The following BTAF1 variants were observed in gnomAD, a reference collection of about 807,000 sequenced individuals.
BTAF1 encodes B-TFIID TATA-box binding protein associated factor 1.
BTAF1 carries 38 observed loss-of-function variants against 227.1 expected under a neutral mutation model. The ratio of observed to expected loss-of-function variants is 0.17; its 90% CI spans 0.13 to 0.22. The LOEUF is 0.22. Among genes scored for constraint, BTAF1 ranks in the 10% least tolerant of loss-of-function variants. The pLI is 1.00. For synonymous variants in BTAF1, 742 were observed against 751.9 expected (o/e 0.99, Z 0.21); for missense variants, 1,598 against 2,204.0 (o/e 0.73, Z 5.51).
At chr10:91,949,076 C>T (rs529342163) in intron 4 of BTAF1, among the ~76,000 whole-genome samples, 8 of 152,112 alleles carry the variant, frequency 5.3e-5, no homozygotes, top group South Asian at 2.1e-4. Context: ...TTTGGGAGGC[C>T]GAAGTGGGAA....
At chr10:91,931,211 T>G (rs2133772590) in intron 1 of BTAF1, among the ~76,000 whole-genome samples, 1 of 152,326 alleles carries the variant, frequency 6.6e-6, no homozygotes, top group South Asian at 2.1e-4. Context: ...TTCTAGGCAG[T>G]CTTTAGAACA....
intron 14 of BTAF1, among the ~76,000 whole-genome samples, chr10:91,979,857 A>C (rs1358485399): frequency 6.6e-6 from 1 of 152,142 alleles, no homozygotes; most frequent in Non-Finnish European, 1.5e-5. Context: ...TGAACCTTGG[A>C]AGCAAAATAT....
At chr10:92,007,208 G>GTTTTT (rs1305916202) in intron 25 of BTAF1, among the ~76,000 whole-genome samples, 1 of 81,588 alleles carries the variant, frequency 1.2e-5, no homozygotes, top group Non-Finnish European at 2.8e-5. Flanking sequence ...GGTATTTTTT[G>GTTTTT]TCTTTTTTTT....
intron 1 of BTAF1, among the ~76,000 whole-genome samples, chr10:91,930,971 T>C (rs1426666479): frequency 6.6e-6 from 1 of 152,206 alleles, no homozygotes; most frequent in Non-Finnish European, 1.5e-5. Context: ...GTGAGGCTTT[T>C]TGCCCCTCCC....
intron 19 of BTAF1, among the ~76,000 whole-genome samples, chr10:91,987,960 G>A (rs886993507): frequency 6.6e-6 from 1 of 152,106 alleles, no homozygotes; most frequent in African/African-American, 2.4e-5. Flanking sequence ...CTCAAGCTAT[G>A]ATAAACTTCA....
At chr10:91,942,285 TAAAAA>T in intron 3 of BTAF1, 132 bp from the exon 4 acceptor site, 2 of 598,458 alleles carry the variant, frequency 3.3e-6, no homozygotes, top group Non-Finnish European at 5.3e-6. Context: ...CCTCACTTCT[TAAAAA>T]AAAAAGTTTG....
intron 34 of BTAF1, among the ~76,000 whole-genome samples, chr10:92,022,382 AC>A (rs1416104959): frequency 6.6e-6 from 1 of 152,132 alleles, no homozygotes; most frequent in East Asian, 1.9e-4. Context: ...ACTCTCTGGA[AC>A]TCTTATGGGA....
chr10:91,982,131 G>A lies in BTAF1; in HGVS notation c.1954G>A (p.Val652Ile). ...VRQGQSQNKEVLQEYIAGADT... is the reference protein window; with the variant it reads ...VRQGQSQNKEILQEYIAGADT... ...CCAAGGCCAAAGCCAGAATAAAGAAGTACTTCAGGAGTATATTGCAGGTGC... is the reference window on the plus strand; with the variant it reads ...CCAAGGCCAAAGCCAGAATAAAGAAATACTTCAGGAGTATATTGCAGGTGC... The change falls in exon 17 of 38, where the codon GTA (valine) becomes ATA (isoleucine). Residue 652 changes from valine to isoleucine, a missense_variant. By Grantham distance (29) the Val-to-Ile change is conservative (BLOSUM62 3). Transcript: ENST00000265990. 6.2e-7 allele frequency: 1 copy of A among 1,613,828 alleles called. No homozygotes were observed.
intron 34 of BTAF1, among the ~76,000 whole-genome samples, chr10:92,019,455 T>C (rs1024477332): frequency 2.6e-5 from 4 of 152,248 alleles, no homozygotes; most frequent in African/African-American, 9.6e-5. Flanking sequence ...TTATGAATAA[T>C]GCTGCAGTGA....
chr10:91,969,445 T>G (rs1424517469), intron 14 of BTAF1, among the ~76,000 whole-genome samples: 1 of 152,156 alleles, frequency 6.6e-6, no homozygotes, highest in African/African-American at 2.4e-5. Flanking sequence ...ACCAATATTA[T>G]TTGTTGGTTA....
chr10:91,961,749 T>A (rs577652264), intron 11 of BTAF1, among the ~76,000 whole-genome samples: 1 of 152,338 alleles, frequency 6.6e-6, no homozygotes, highest in Admixed American at 6.5e-5. Flanking sequence ...CTCAGTGAGA[T>A]TCCTAGTATA....
intron 9 of BTAF1, 139 bp downstream of exon 9, chr10:91,959,293 T>C: frequency 6.9e-7 from 1 of 1,451,900 alleles, no homozygotes; most frequent in Non-Finnish European, 9.1e-7. Context: ...GTAAATATCA[T>C]ACAATGGATT....
chr10:91,946,715 A>G (rs1311967745), intron 4 of BTAF1, among the ~76,000 whole-genome samples: 3 of 152,204 alleles, frequency 2.0e-5, no homozygotes, highest in Non-Finnish European at 4.4e-5. Flanking sequence ...AGAAATGTCA[A>G]TTCATATAAC....
chr10:91,979,116 C>A (rs1183858790), intron 14 of BTAF1, among the ~76,000 whole-genome samples: 2 of 152,154 alleles, frequency 1.3e-5, no homozygotes, highest in African/African-American at 4.8e-5. Flanking sequence ...ATAATGGCCT[C>A]CCGCTCCATC....
intron 37 of BTAF1, among the ~76,000 whole-genome samples, chr10:92,027,506 G>T (rs1251974911): frequency 1.3e-5 from 2 of 151,796 alleles, no homozygotes; most frequent in Non-Finnish European, 1.5e-5. Flanking sequence ...GATGTCTTCA[G>T]TGTCTTGCCA....
intron 2 of BTAF1, among the ~76,000 whole-genome samples, chr10:91,936,545 TC>T (rs1182827355): frequency 6.6e-6 from 1 of 152,194 alleles, no homozygotes; most frequent in Non-Finnish European, 1.5e-5. Flanking sequence ...AGCATACACA[TC>T]TGTACTGTGT....
At chr10:92,004,822 T>C (rs1183431253) in intron 25 of BTAF1, among the ~76,000 whole-genome samples, 1 of 152,204 alleles carries the variant, frequency 6.6e-6, no homozygotes, top group African/African-American at 2.4e-5. Flanking sequence ...AAAAAATTTG[T>C]CCAGACCAGT....
intron 26 of BTAF1, 111 bp downstream of exon 26, chr10:92,008,386 C>G: frequency 9.3e-7 from 1 of 1,077,528 alleles, no homozygotes; most frequent in South Asian, 1.9e-5. Flanking sequence ...CTCTGTTGCC[C>G]AGGCTGGGGT....
chr10:92,027,962 A>G (rs1474968364), intron 37 of BTAF1, among the ~76,000 whole-genome samples: 1 of 152,200 alleles, frequency 6.6e-6, no homozygotes, highest in East Asian at 1.9e-4. Context: ...CTTTCAAGTA[A>G]GAGAAAATCG....
Sources: allele counts gnomAD v4.1 joint callset (sites outside exome capture counted in the v4.1 genomes callset), GRCh38; gene constraint gnomAD v4.1.1; transcripts MANE v1.5; gene names NCBI Gene and HGNC (gene_info 2026-07-23, HGNC 2026-07-21).